The following ZCWPW2 variants were observed in gnomAD, a reference collection of about 807,000 sequenced individuals.
ZCWPW2 encodes zinc finger CW-type PWWP domain protein 2.
ZCWPW2 carries 45 observed loss-of-function variants against 46.6 expected under a neutral mutation model. The observed-to-expected ratio is 0.96, with a 90% CI of 0.76 to 1.24. The LOEUF (loss-of-function observed/expected upper bound fraction) is 1.24. Among genes scored for constraint, ZCWPW2 ranks in the 50% most tolerant of loss-of-function variants. The probability of loss-of-function intolerance (pLI) is 0.00; values close to 1 mark genes in which losing one functional copy is unlikely to be tolerated. For synonymous variants in ZCWPW2, 152 were observed against 137.1 expected, an observed-to-expected ratio of 1.11 and a Z score of -0.76; for missense variants, 429 against 403.9, an observed-to-expected ratio of 1.06 and a Z score of -0.53.
At chr3:28,461,508 T>G (rs2125788524) in intron 4 of ZCWPW2, 1 of 152,286 alleles carries the variant, frequency 6.6e-6, no homozygotes. Flanking sequence ...TCATTATGTT[T>G]ATAAATTTTT....
chr3:28,438,114 C>T (rs1559504481), intron 4 of ZCWPW2, among the ~76,000 whole-genome samples: 1 of 152,176 alleles, frequency 6.6e-6, no homozygotes, highest in South Asian at 2.1e-4. Flanking sequence ...CTTACAGGAG[C>T]TGAGGTGGGC....
chr3:28,360,711 A>G (rs1026965047), intron 1 of ZCWPW2, among the ~76,000 whole-genome samples: 7 of 152,134 alleles, frequency 4.6e-5, no homozygotes, highest in Non-Finnish European at 1.0e-4. Flanking sequence ...AATGATTTAC[A>G]TCACAGCCAC....
chr3:28,465,397 A>AT (rs1455311996), intron 4 of ZCWPW2, among the ~76,000 whole-genome samples: 1 of 152,192 alleles, frequency 6.6e-6, no homozygotes, highest in African/African-American at 2.4e-5. Flanking sequence ...AAATTGAAAG[A>AT]TTATGATAAT....
intron 1 of ZCWPW2, among the ~76,000 whole-genome samples, chr3:28,356,244 T>C (rs930608620): frequency 1.3e-5 from 2 of 152,192 alleles, no homozygotes; most frequent in African/African-American, 4.8e-5. Context: ...AAAGGACACA[T>C]GGAAAAATGC....
At chr3:28,377,517 A>G (rs1262547254) in intron 1 of ZCWPW2, among the ~76,000 whole-genome samples, 1 of 152,220 alleles carries the variant, frequency 6.6e-6, no homozygotes. Context: ...AAAGTGGTCA[A>G]CTGAATTAAA....
chr3:28,438,488 C>G (rs2125767372), intron 4 of ZCWPW2, among the ~76,000 whole-genome samples: 1 of 152,272 alleles, frequency 6.6e-6, no homozygotes, highest in East Asian at 1.9e-4. Context: ...CAGGCTGATC[C>G]TTGGCACAAA....
intron 2 of ZCWPW2, among the ~76,000 whole-genome samples, chr3:28,404,110 G>GA (rs1696058268): frequency 6.6e-6 from 1 of 150,886 alleles, no homozygotes. Flanking sequence ...CCAGAGAGTG[G>GA]AAAAAAATTC....
At chr3:28,360,468 A>G (rs974765322) in intron 1 of ZCWPW2, among the ~76,000 whole-genome samples, 2 of 150,896 alleles carry the variant, frequency 1.3e-5, no homozygotes, top group Non-Finnish European at 3.0e-5. Flanking sequence ...GCTTGCAGTG[A>G]GTCGAGATTG....
At chr3:28,438,474 A>C (rs1305698052) in intron 4 of ZCWPW2, among the ~76,000 whole-genome samples, 1 of 152,262 alleles carries the variant, frequency 6.6e-6, no homozygotes, top group Non-Finnish European at 1.5e-5. Flanking sequence ...TTAAAGTTTT[A>C]GTTCAGGCTG....
intron 3 of ZCWPW2, among the ~76,000 whole-genome samples, chr3:28,429,190 G>A (rs971384958): frequency 5.3e-5 from 8 of 152,156 alleles, no homozygotes; most frequent in Non-Finnish European, 1.0e-4. Flanking sequence ...TGATATGGAC[G>A]ATGAAGTCCA....
intron 5 of ZCWPW2, among the ~76,000 whole-genome samples, chr3:28,491,091 G>A (rs1699796615): frequency 6.6e-6 from 1 of 152,080 alleles, no homozygotes; most frequent in Non-Finnish European, 1.5e-5. Flanking sequence ...AAGGAAGAAA[G>A]TTTCATGGCT....
chr3:28,492,059 A>G lies in ZCWPW2; in HGVS notation c.611-68A>G, dbSNP rs1699829813. The G allele has an allele frequency of 2.1e-6, 3 of 1,437,144 alleles. No individual in the cohort carries two copies. The Admixed American group carries it at 5.5e-5, about 27-fold the overall frequency. 89.0% of individuals were successfully genotyped at this position (1,437,144 alleles called of 1,614,324 possible). A position where few individuals can be genotyped will look rare whatever the true frequency, so the allele number is the denominator to read the frequency against. On this transcript the variant is annotated intron_variant, in intron 5 of 9. Transcript: ENST00000383768. Reference sequence around the variant, plus strand: ...AGAAAGTAGAAAATTCTAATTGTGTAATTCAGTATTTATTTGAACAGGAAC... The same window carrying G: ...AGAAAGTAGAAAATTCTAATTGTGTGATTCAGTATTTATTTGAACAGGAAC...
intron 7 of ZCWPW2, among the ~76,000 whole-genome samples, chr3:28,514,965 G>T (rs1700523940): frequency 6.6e-6 from 1 of 151,908 alleles, no homozygotes; most frequent in Non-Finnish European, 1.5e-5. Context: ...GACTTCCACT[G>T]CCTTATTTCA....
intron 1 of ZCWPW2, among the ~76,000 whole-genome samples, chr3:28,375,743 T>A (rs1705480811): frequency 6.6e-6 from 1 of 151,614 alleles, no homozygotes; most frequent in African/African-American, 2.4e-5. Context: ...CTTTCTATTT[T>A]TTTTTTTTGT....
intron 1 of ZCWPW2, among the ~76,000 whole-genome samples, chr3:28,386,103 G>A (rs1695263862): frequency 6.6e-6 from 1 of 152,034 alleles, no homozygotes; most frequent in Admixed American, 6.6e-5. Flanking sequence ...AAATACAAAT[G>A]TTGAAACTCT....
At chr3:28,455,045 T>G (rs1698373139) in intron 4 of ZCWPW2, among the ~76,000 whole-genome samples, 1 of 152,192 alleles carries the variant, frequency 6.6e-6, no homozygotes, top group Non-Finnish European at 1.5e-5. Context: ...CTCAAGATCT[T>G]TGAGGAATCA....
chr3:28,486,346 A>G (rs1699599451), intron 5 of ZCWPW2, among the ~76,000 whole-genome samples: 1 of 152,180 alleles, frequency 6.6e-6, no homozygotes, highest in Non-Finnish European at 1.5e-5. Flanking sequence ...TTAAACAAAC[A>G]TCTATTAGAT....
intron 3 of ZCWPW2, among the ~76,000 whole-genome samples, chr3:28,431,753 A>C (rs891661360): frequency 7.9e-5 from 12 of 152,224 alleles, no homozygotes; most frequent in Admixed American, 3.9e-4. Flanking sequence ...GTGAGGAACC[A>C]GTTACTATGA....
chr3:28,498,009 A>G lies in ZCWPW2; in HGVS notation c.657+5836A>G, dbSNP rs531260094. On this transcript the variant is annotated intron_variant, in intron 6 of 9. Coordinates refer to ENST00000383768, the MANE Select transcript of ZCWPW2 (RefSeq NM_001040432.4). ...TTCCTACTCTAATATCCCGTGAACT[A>G]TAAGATATTTACAACAGCTCATTAA... 3.9e-5 allele frequency among the ~76,000 whole-genome samples: 6 copies of G among 152,198 alleles called. No homozygotes were observed. The South Asian group carries it at 1.0e-3, about 26-fold the overall frequency.
Sources: gnomAD v4.1 joint callset for allele counts (sites outside exome capture counted in the v4.1 genomes callset) on GRCh38, gnomAD v4.1.1 for gene constraint, MANE v1.5 for transcripts, NCBI Gene and HGNC (gene_info 2026-07-23, HGNC 2026-07-21) for gene names.